CNR2: variants seen among roughly 807,000 people sequenced by gnomAD.
CNR2 encodes cannabinoid receptor 2 (macrophage).
For synonymous variants in CNR2, 172 were observed against 182.2 expected (o/e 0.94, Z 0.45); for missense variants, 379 against 439.9 (o/e 0.86, Z 1.24).
intron 1 of CNR2, among the ~76,000 whole-genome samples, chr1:23,909,550 C>G: frequency 6.6e-6 from 1 of 152,130 alleles, no homozygotes; most frequent in East Asian, 1.9e-4. Context: ...CAGGGAAGGT[C>G]TGTCAGAGAT....
intron 1 of CNR2, among the ~76,000 whole-genome samples, chr1:23,886,069 T>C (rs554230596): frequency 2.0e-4 from 28 of 141,612 alleles, no homozygotes; most frequent in African/African-American, 7.2e-4. Flanking sequence ...ACACCTGTAA[T>C]CCCAGCTAAC....
chr1:23,895,885 CCT>C (rs1489662497), intron 1 of CNR2, among the ~76,000 whole-genome samples: 1 of 152,040 alleles, frequency 6.6e-6, no homozygotes, highest in Non-Finnish European at 1.5e-5. Context: ...GGTGAGGGGC[CCT>C]GATACCACGC....
In CNR2 at chr1:23,877,876, G is replaced by A. The variant is rs377404789; in HGVS notation, c.-45-2214C>T. On this transcript the variant is annotated intron_variant, in intron 1 of 1. Coordinates refer to ENST00000374472, the MANE Select transcript of CNR2 (RefSeq NM_001841.3). ...CTCAGGAGGCTGAGGCAGGAGAATC[G>A]CTTGAACCCCGGATGCAAAGATTGC... Among the ~76,000 whole-genome samples the A allele has an allele frequency of 1.5e-4, 23 of 151,544 alleles. No individual in the cohort carries two copies. The South Asian group carries it at 1.9e-3, about 12-fold the overall frequency.
In CNR2 at chr1:23,871,343, C is replaced by T. The variant is rs1216932861; in HGVS notation, c.*3192G>A. The T allele has an allele frequency of 4.6e-5, 7 of 152,016 alleles. No individual in the cohort carries two copies. Among genetic ancestry groups the T allele is most frequent in the African/African-American group, 1.7e-4 (7 of 41,376 alleles). The allele number at this position is 152,016 out of a possible 1,614,324, so 9.4% of individuals were successfully genotyped here. On this transcript the variant is annotated 3_prime_UTR_variant, in exon 2 of 2. Transcript: ENST00000374472. ...TTCTTTGCCAAAATGAGAAAGGATT[C>T]CACCGATGAATAAAGAAAGGCATGC...
intron 1 of CNR2, among the ~76,000 whole-genome samples, chr1:23,900,716 G>C (rs925462627): frequency 1.1e-4 from 17 of 152,012 alleles, no homozygotes; most frequent in Admixed American, 9.8e-4. Context: ...ATGTTGATCA[G>C]GCTGGTCTTG....
chr1:23,893,941 T>C (rs955379847), intron 1 of CNR2, among the ~76,000 whole-genome samples: 5 of 151,574 alleles, frequency 3.3e-5, no homozygotes. Flanking sequence ...CCGGGTAACA[T>C]GAAACTCCAT....
intron 1 of CNR2, among the ~76,000 whole-genome samples, chr1:23,905,188 TTC>T (rs1640468224): frequency 2.0e-5 from 3 of 148,222 alleles, no homozygotes; most frequent in African/African-American, 7.9e-5. Context: ...TTTCTTTTCT[TTC>T]TTTTTTTTTT....
At chr1:23,897,741 T>G (rs1382527532) in intron 1 of CNR2, among the ~76,000 whole-genome samples, 1 of 152,184 alleles carries the variant, frequency 6.6e-6, no homozygotes, top group African/African-American at 2.4e-5. Flanking sequence ...ATTACAGGCA[T>G]GAGCCACCAC....
At chr1:23,888,975 T>A (rs1339462298) in intron 1 of CNR2, among the ~76,000 whole-genome samples, 2 of 151,634 alleles carry the variant, frequency 1.3e-5, no homozygotes, top group East Asian at 1.9e-4. Context: ...TTTAAAAAAA[T>A]AAATAAATAA....
At chr1:23,899,571 T>G (rs1279672929) in intron 1 of CNR2, among the ~76,000 whole-genome samples, 2 of 151,278 alleles carry the variant, frequency 1.3e-5, no homozygotes, top group Non-Finnish European at 2.9e-5. Context: ...ATCCCAGCAC[T>G]TTGGGAGGCT....
chr1:23,883,229 G>A (rs907141313), intron 1 of CNR2, among the ~76,000 whole-genome samples: 4 of 152,228 alleles, frequency 2.6e-5, no homozygotes, highest in Admixed American at 6.5e-5. Flanking sequence ...TGGAGAAGGC[G>A]TGGAGCCAAA....
At chr1:23,883,583 G>A (rs1232647061) in intron 1 of CNR2, among the ~76,000 whole-genome samples, 1 of 152,148 alleles carries the variant, frequency 6.6e-6, no homozygotes, top group Non-Finnish European at 1.5e-5. Context: ...CTAGCACTTT[G>A]GGAGGCCGAA....
chr1:23,878,175 G>C (rs1293977183), intron 1 of CNR2, among the ~76,000 whole-genome samples: 3 of 151,974 alleles, frequency 2.0e-5, no homozygotes, highest in African/African-American at 7.3e-5. Context: ...ATCCAGCCTG[G>C]GCAACATGGG....
chr1:23,907,533 C>T (rs562980729), intron 1 of CNR2, among the ~76,000 whole-genome samples: 1 of 151,022 alleles, frequency 6.6e-6, no homozygotes, highest in Admixed American at 6.6e-5. Context: ...CTTTGTTGCC[C>T]GGGCTGAAGT....
chr1:23,897,667 G>A (rs1191972355), intron 1 of CNR2, among the ~76,000 whole-genome samples: 2 of 151,858 alleles, frequency 1.3e-5, no homozygotes, highest in East Asian at 2.0e-4. Context: ...TCACTATGTT[G>A]GCCAGGCTGG....
chr1:23,874,429 T>C lies in CNR2; in HGVS notation c.*106A>G, dbSNP rs1639826135. ...CAGCAAAAAGGGGTCCGTGTCTAGGTGTCTGGGACTGGTTTAAGTAAGAAG... is the reference window on the plus strand; with the variant it reads ...CAGCAAAAAGGGGTCCGTGTCTAGGCGTCTGGGACTGGTTTAAGTAAGAAG... On this transcript the variant is annotated 3_prime_UTR_variant, in exon 2 of 2. Transcript: ENST00000374472. 1.6e-6 allele frequency: 2 copies of C among 1,262,102 alleles called. No homozygotes were observed. Among genetic ancestry groups the C allele is most frequent in the African/African-American group, 1.5e-5 (1 of 66,194 alleles). The allele number at this position is 1,262,102 out of a possible 1,614,324, so 78.2% of individuals were successfully genotyped here.
intron 1 of CNR2, among the ~76,000 whole-genome samples, chr1:23,900,929 T>C (rs1344643930): frequency 2.0e-5 from 3 of 152,194 alleles, no homozygotes; most frequent in Non-Finnish European, 2.9e-5. Flanking sequence ...ATTTGAGTAA[T>C]AGGACACTAG....
rs555800670 is a variant in CNR2, at chr1:23,902,783, G to T, written c.-46+10463C>A. 1,909 of 1,461,268 alleles carry T rather than the reference G, an allele frequency of 1.3e-3. 23 individuals are homozygous for T. The African/African-American group carries it at 0.024, about 18-fold the overall frequency. 90.5% of individuals were successfully genotyped at this position (1,461,268 alleles called of 1,614,324 possible). A position where few individuals can be genotyped will look rare whatever the true frequency, so the allele number is the denominator to read the frequency against. Reference sequence around the variant, plus strand: ...CTCCGGGTGGTTGTTGCCAAGTGTGGGCTGCGCGGGCGCGGGCGCGGGGGC... The same window carrying T: ...CTCCGGGTGGTTGTTGCCAAGTGTGTGCTGCGCGGGCGCGGGCGCGGGGGC... On this transcript the variant is annotated intron_variant, in intron 1 of 1. Coordinates refer to ENST00000374472, the MANE Select transcript of CNR2 (RefSeq NM_001841.3).
intron 1 of CNR2, among the ~76,000 whole-genome samples, chr1:23,880,482 A>G (rs1639964349): frequency 6.6e-6 from 1 of 151,978 alleles, no homozygotes; most frequent in South Asian, 2.1e-4. Flanking sequence ...CCCAACCTCC[A>G]GCTCTTTTGC....
Sources: allele counts gnomAD v4.1 joint callset (sites outside exome capture counted in the v4.1 genomes callset), GRCh38; gene constraint gnomAD v4.1.1; transcripts MANE v1.5; gene names NCBI Gene and HGNC (gene_info 2026-07-23, HGNC 2026-07-21).